BCL11B: variants seen among roughly 807,000 people sequenced by gnomAD.
The protein encoded by BCL11B is BCL11 transcription factor B.
In BCL11B, 8 loss-of-function variants were observed where a neutral mutation model predicts 49.9. That is an observed-to-expected ratio of 0.16 (90% confidence interval 0.09 to 0.29). The LOEUF (loss-of-function observed/expected upper bound fraction) is 0.29. Among genes scored for constraint, BCL11B ranks in the 10% least tolerant of loss-of-function variants. BCL11B has a pLI of 1.00. For synonymous variants in BCL11B, 739 were observed against 637.4 expected, an observed-to-expected ratio of 1.16 and a Z score of -2.40; for missense variants, 1,006 against 1,351.0, an observed-to-expected ratio of 0.74 and a Z score of 4.00.
At chr14:99,243,344 A>G (rs543802796) in intron 2 of BCL11B, among the ~76,000 whole-genome samples, 1 of 152,230 alleles carries the variant, frequency 6.6e-6, no homozygotes, top group Admixed American at 6.5e-5. Context: ...CCTTGCAGTA[A>G]AAAATTACAC....
chr14:99,260,330 C>T (rs886341215), intron 1 of BCL11B, among the ~76,000 whole-genome samples: 1 of 152,196 alleles, frequency 6.6e-6, no homozygotes, highest in African/African-American at 2.4e-5. Flanking sequence ...ACATGGCCAG[C>T]TGGACCGTCC....
intron 1 of BCL11B, among the ~76,000 whole-genome samples, chr14:99,261,223 G>A (rs1226472315): frequency 2.6e-5 from 4 of 152,220 alleles, no homozygotes; most frequent in Admixed American, 1.3e-4. Flanking sequence ...GGGCCTGAAA[G>A]CTCACGTTCA....
intron 2 of BCL11B, among the ~76,000 whole-genome samples, chr14:99,238,962 T>C (rs529880390): frequency 6.6e-6 from 1 of 152,160 alleles, no homozygotes; most frequent in Admixed American, 6.5e-5. Context: ...ACTTCTATTA[T>C]CTATAAGAGA....
rs1889594609 is a variant in BCL11B, at chr14:99,269,624, G to A, written c.58+1537C>T. On this transcript the variant is annotated intron_variant, in intron 1 of 3. Transcript: ENST00000357195. ...ATTGCTCCGAGCAGATGGCTCCTATGCTGGGTTTTCAGGGGAGGGGAGAAC... is the reference window on the plus strand; with the variant it reads ...ATTGCTCCGAGCAGATGGCTCCTATACTGGGTTTTCAGGGGAGGGGAGAAC... Among the ~76,000 whole-genome samples, 3 of 151,888 alleles carry A rather than the reference G, an allele frequency of 2.0e-5. 1 individual carries two copies. Among genetic ancestry groups the A allele is most frequent in the South Asian group, 4.2e-4 (2 of 4,796 alleles).
intron 2 of BCL11B, among the ~76,000 whole-genome samples, chr14:99,253,256 C>T (rs1300649627): frequency 6.6e-6 from 1 of 152,194 alleles, no homozygotes; most frequent in Non-Finnish European, 1.5e-5. Flanking sequence ...GAGTGCACCG[C>T]CAGCAAAGAG....
chr14:99,182,704 C>T (rs1886742918), intron 3 of BCL11B, among the ~76,000 whole-genome samples: 1 of 152,142 alleles, frequency 6.6e-6, no homozygotes, highest in African/African-American at 2.4e-5. Context: ...TGTGCTGAGC[C>T]AGCCTCTGGC....
rs1271709759 is a variant in BCL11B at position 99,175,145 on chromosome 14, C to T, written c.1691G>A (p.Arg564His). The T allele has an allele frequency of 1.3e-6, 2 of 1,595,064 alleles. No individual in the cohort carries two copies. Among genetic ancestry groups the T allele is most frequent in the East Asian group, 2.3e-5 (1 of 44,350 alleles). The change falls in exon 4 of 4, where the codon CGC (arginine) becomes CAC (histidine). Residue 564 changes from arginine (R) to histidine (H), a missense_variant. By Grantham distance (29) the Arg-to-His change is conservative (BLOSUM62 0). Around this residue, in one of 6 missense-constraint regions of BCL11B, gnomAD observed 443 missense variants for 499.7 expected, o/e 0.89. Coordinates refer to ENST00000357195, the MANE Select transcript of BCL11B (RefSeq NM_138576.4). ...SSFSMDSELS[R>H]NRENGGGGVP... Reference sequence around the variant, plus strand: ...CCCACCACCGCCGTTCTCGCGGTTGCGGCTCAGCTCCGAGTCCATGCTGAA... The same window carrying T: ...CCCACCACCGCCGTTCTCGCGGTTGTGGCTCAGCTCCGAGTCCATGCTGAA...
chr14:99,218,604 A>G (rs989715725), intron 3 of BCL11B, among the ~76,000 whole-genome samples: 2 of 152,192 alleles, frequency 1.3e-5, no homozygotes, highest in Non-Finnish European at 2.9e-5. Flanking sequence ...TGCAGGAGAC[A>G]TTTGGGGAAT....
chr14:99,217,295 CAAAT>C (rs910537931), intron 3 of BCL11B, among the ~76,000 whole-genome samples: 1 of 132,126 alleles, frequency 7.6e-6, no homozygotes, highest in Non-Finnish European at 1.8e-5. Context: ...AACACACTCA[CAAAT>C]ACATACACTT....
intron 3 of BCL11B, among the ~76,000 whole-genome samples, chr14:99,197,646 C>T (rs1887215668): frequency 6.6e-6 from 1 of 152,150 alleles, no homozygotes; most frequent in Non-Finnish European, 1.5e-5. Context: ...CCAAGATACA[C>T]ACCCCGCACG....
intron 2 of BCL11B, among the ~76,000 whole-genome samples, chr14:99,237,212 G>A (rs1159522586): frequency 6.6e-6 from 1 of 150,612 alleles, no homozygotes; most frequent in Non-Finnish European, 1.5e-5. Context: ...CACTCCACAG[G>A]TATTATTTCA....
At chr14:99,267,452 G>A (rs745462186) in intron 1 of BCL11B, among the ~76,000 whole-genome samples, 4 of 150,052 alleles carry the variant, frequency 2.7e-5, no homozygotes, top group African/African-American at 9.8e-5. Context: ...TGGTGAACAC[G>A]TTTTTATTCT....
chr14:99,225,952 C>T (rs188919500), intron 3 of BCL11B, among the ~76,000 whole-genome samples: 7 of 152,342 alleles, frequency 4.6e-5, no homozygotes, highest in South Asian at 2.1e-4. Context: ...GCACTTCCTC[C>T]GGTCACAGAA....
intron 3 of BCL11B, among the ~76,000 whole-genome samples, chr14:99,180,263 CT>C: frequency 6.6e-6 from 1 of 152,356 alleles, no homozygotes; most frequent in East Asian, 1.9e-4. Context: ...AACATCAAAC[CT>C]GGCCTACAGA....
intron 3 of BCL11B, among the ~76,000 whole-genome samples, chr14:99,199,705 CGT>C (rs1326714260): frequency 4.4e-5 from 3 of 68,162 alleles, no homozygotes; most frequent in East Asian, 2.8e-4. Flanking sequence ...CGCACGTGCA[CGT>C]GTGTGCGTGT....
chr14:99,245,957 G>A (rs1307380149), intron 2 of BCL11B, among the ~76,000 whole-genome samples: 8 of 152,210 alleles, frequency 5.3e-5, no homozygotes, highest in South Asian at 2.1e-4. Flanking sequence ...GGGCGGGGGG[G>A]AAAGGAGCCG....
chr14:99,265,545 A>C (rs1186949139), intron 1 of BCL11B, among the ~76,000 whole-genome samples: 1 of 152,014 alleles, frequency 6.6e-6, no homozygotes, highest in Admixed American at 6.6e-5. Context: ...AACTCCCCTG[A>C]GTTCTAAGGC....
At chr14:99,177,734 T>C (rs948911980) in intron 3 of BCL11B, among the ~76,000 whole-genome samples, 3 of 151,764 alleles carry the variant, frequency 2.0e-5, no homozygotes, top group African/African-American at 7.3e-5. Flanking sequence ...CCCTTCCCAA[T>C]ATCGGTAAGT....
chr14:99,200,896 G>GGCTC (rs1887360987), intron 3 of BCL11B, among the ~76,000 whole-genome samples: 1 of 152,226 alleles, frequency 6.6e-6, no homozygotes, highest in Non-Finnish European at 1.5e-5. Context: ...AACTGCATGG[G>GGCTC]AAGCAGCCCC....
Sources: gnomAD v4.1 joint callset for allele counts (sites outside exome capture counted in the v4.1 genomes callset) on GRCh38, gnomAD v4.1.1 for gene constraint, gnomAD v4.1.1 regional missense constraint, MANE v1.5 for transcripts, NCBI Gene and HGNC (gene_info 2026-07-23, HGNC 2026-07-21) for gene names.